RASA2: variants seen among roughly 807,000 people sequenced by gnomAD.
The protein encoded by RASA2 is ras GTPase-activating protein 2.
RASA2 carries 155 observed loss-of-function variants against 118.2 expected under a neutral mutation model. That is an observed-to-expected ratio of 1.31 (90% CI 1.15 to 1.50). The LOEUF (loss-of-function observed/expected upper bound fraction) is 1.50. Among genes scored for constraint, RASA2 ranks in the 40% most tolerant of loss-of-function variants. The probability of loss-of-function intolerance (pLI) is 0.00; values close to 1 mark genes in which losing one functional copy is unlikely to be tolerated. For synonymous variants in RASA2, 353 were observed against 349.1 expected (o/e 1.01, Z -0.12); for missense variants, 1,016 against 1,009.6 (o/e 1.01, Z -0.09).
intron 1 of RASA2, among the ~76,000 whole-genome samples, chr3:141,504,565 C>T (rs914142069): frequency 4.6e-5 from 7 of 152,180 alleles, no homozygotes; most frequent in Non-Finnish European, 7.4e-5. Context: ...GACCCATTCT[C>T]TCCAGACCCG....
In RASA2 at chr3:141,608,676, T is replaced by C. The variant is rs748017097; in HGVS notation, c.2204T>C (p.Leu735Pro). ...TGTCAGGAGACTGGTGAAAACACTC[T>C]CGGCTGCAAGCCATGTACTGCGTAA... is the stretch of plus-strand genomic sequence containing the variant. Reference protein sequence around the residue: ...LCCQETGENTLGCKPCTAGVP... With the variant: ...LCCQETGENTPGCKPCTAGVP... The change falls in exon 21 of 24, where the codon CTC (leucine) becomes CCC (proline). Residue 735 changes from leucine to proline, a missense_variant. Around this residue, in one of 2 missense-constraint regions of RASA2, gnomAD observed 120 missense variants for 173.2 expected, o/e 0.69. Transcript: ENST00000286364. The C allele has an allele frequency of 1.9e-6, 3 of 1,613,634 alleles. No individual in the cohort carries two copies. Among genetic ancestry groups the C allele is most frequent in the South Asian group, 1.1e-5 (1 of 91,090 alleles).
chr3:141,572,677 T>A lies in RASA2; in HGVS notation c.1238T>A (p.Val413Glu). 6.2e-7 allele frequency: 1 copy of A among 1,613,482 alleles called. No homozygotes were observed. Among genetic ancestry groups the A allele is most frequent in the Non-Finnish European group, 8.5e-7 (1 of 1,179,622 alleles). ...TRCLDEMMKIVGGHYLKVTLK... is the reference protein window; with the variant it reads ...TRCLDEMMKIEGGHYLKVTLK... ...TGTCTGGATGAGATGATGAAAATAG[T>A]GGGAGGGCACTACCTGAAAGTAACA... The change falls in exon 12 of 24, where the codon GTG (valine) becomes GAG (glutamate). Residue 413 changes from valine to glutamate, a missense_variant. By Grantham distance (121) the Val-to-Glu change is moderately radical. This residue lies in a region of RASA2 where 896 missense variants were observed against 836.4 expected (regional missense o/e 1.07). Transcript: ENST00000286364.
intron 3 of RASA2, 25 bp downstream of exon 3, chr3:141,516,456 T>C: frequency 1.5e-6 from 2 of 1,356,856 alleles, no homozygotes; most frequent in South Asian, 2.1e-5. Flanking sequence ...TAATTATCTT[T>C]AATCACAATG....
chr3:141,547,543 A>G (rs1269903479), intron 5 of RASA2, among the ~76,000 whole-genome samples: 2 of 152,106 alleles, frequency 1.3e-5, no homozygotes, highest in Non-Finnish European at 2.9e-5. Flanking sequence ...TTGTTGTGTT[A>G]ATTTTGAATC....
intron 6 of RASA2, among the ~76,000 whole-genome samples, chr3:141,554,836 TAGAG>T (rs766768922): frequency 1.3e-4 from 20 of 152,240 alleles, no homozygotes; most frequent in African/African-American, 4.8e-4. Context: ...TAAATGCTAT[TAGAG>T]AGATTTATTT....
intron 19 of RASA2, among the ~76,000 whole-genome samples, chr3:141,587,193 T>C (rs1042387475): frequency 1.3e-5 from 2 of 152,228 alleles, no homozygotes; most frequent in African/African-American, 4.8e-5. Context: ...CCCTATACAG[T>C]TGTCAAATTC....
At chr3:141,574,137 G>A (rs1242901565) in intron 14 of RASA2, 70 bp downstream of exon 14, 7 of 1,058,906 alleles carry the variant, frequency 6.6e-6, no homozygotes, top group Middle Eastern at 2.7e-4. Flanking sequence ...TTAATTACAT[G>A]TTTGGTTTGT....
chr3:141,596,140 G>A (rs889206154), intron 19 of RASA2, among the ~76,000 whole-genome samples: 2 of 152,112 alleles, frequency 1.3e-5, no homozygotes, highest in African/African-American at 2.4e-5. Context: ...TGGAGTCTCA[G>A]TAAATATCAA....
rs117056239 is a variant in RASA2, at chr3:141,544,076, A to G, written c.527+3467A>G. ...TTTTTAGTAGAAACAGGGTTTCGCC[A>G]TATTGGCCAGGCTGCTCTCGAACTC... On this transcript the variant is annotated intron_variant, in intron 5 of 23. Coordinates refer to ENST00000286364, the MANE Select transcript of RASA2 (RefSeq NM_006506.5). 8.5e-3 allele frequency among the ~76,000 whole-genome samples: 1,297 copies of G among 151,818 alleles called. 22 individuals are homozygous for G. Among genetic ancestry groups the G allele is most frequent in the African/African-American group, 0.025 (1,041 of 41,428 alleles).
intron 5 of RASA2, among the ~76,000 whole-genome samples, chr3:141,550,327 C>T (rs2082554685): frequency 6.6e-6 from 1 of 152,122 alleles, no homozygotes; most frequent in Non-Finnish European, 1.5e-5. Context: ...AAACATCAGA[C>T]AAACTCAGAT....
At chr3:141,596,398 TAAAG>T (rs1441700629) in intron 19 of RASA2, among the ~76,000 whole-genome samples, 1 of 152,214 alleles carries the variant, frequency 6.6e-6, no homozygotes, top group Non-Finnish European at 1.5e-5. Flanking sequence ...TATTAACAAG[TAAAG>T]AAAATCTTTG....
intron 3 of RASA2, among the ~76,000 whole-genome samples, chr3:141,521,593 TTTTG>T (rs1426779796): frequency 2.0e-5 from 3 of 152,190 alleles, no homozygotes; most frequent in African/African-American, 7.2e-5. Flanking sequence ...TGCCTTTGTT[TTTTG>T]TTTATTTTGA....
At chr3:141,580,577 C>CACACAG (rs2083097452) in intron 16 of RASA2, 126 bp downstream of exon 16, 1 of 614,530 alleles carries the variant, frequency 1.6e-6, no homozygotes, top group Non-Finnish European at 2.7e-6. Flanking sequence ...CACACACACA[C>CACACAG]AGACACAATA....
chr3:141,500,564 T>C (rs780787556), intron 1 of RASA2, among the ~76,000 whole-genome samples: 10 of 152,354 alleles, frequency 6.6e-5, no homozygotes, highest in Non-Finnish European at 1.5e-4. Context: ...ACTAATCATA[T>C]AGCATAGTTG....
At chr3:141,574,481 C>CGGTG (rs1560043491) in intron 14 of RASA2, among the ~76,000 whole-genome samples, 1 of 152,146 alleles carries the variant, frequency 6.6e-6, no homozygotes, top group Non-Finnish European at 1.5e-5. Flanking sequence ...TGAGCCACCA[C>CGGTG]GCCCAGCCTA....
intron 14 of RASA2, among the ~76,000 whole-genome samples, chr3:141,575,929 C>T (rs773215392): frequency 2.0e-5 from 3 of 152,140 alleles, no homozygotes; most frequent in Admixed American, 6.5e-5. Context: ...AGACATGTGC[C>T]TCCACGCCTG....
rs2082970140 is a variant in RASA2, at chr3:141,574,135, A to G, written c.1483+68A>G. ...TGACTTTTTTATAGATATTAATTAC[A>G]TGTTTGGTTTGTGAGATATTTAAGG... On this transcript the variant is annotated intron_variant, in intron 14 of 23. Transcript: ENST00000286364. 1.2e-5 allele frequency: 13 copies of G among 1,083,792 alleles called. No homozygotes were observed. In the East Asian group the frequency reaches 3.9e-4, roughly 33 times the overall value. 67.1% of individuals were successfully genotyped at this position (1,083,792 alleles called of 1,614,324 possible). A position where few individuals can be genotyped will look rare whatever the true frequency, so the allele number is the denominator to read the frequency against.
chr3:141,540,116 T>A (rs775562782), intron 4 of RASA2, among the ~76,000 whole-genome samples: 1 of 152,156 alleles, frequency 6.6e-6, no homozygotes, highest in Non-Finnish European at 1.5e-5. Context: ...AGTTTTTAGT[T>A]GTTTTAGAAT....
intron 1 of RASA2, among the ~76,000 whole-genome samples, chr3:141,494,589 G>A (rs1559987378): frequency 6.6e-6 from 1 of 152,064 alleles, no homozygotes; most frequent in Non-Finnish European, 1.5e-5. Flanking sequence ...GGATGGTCTC[G>A]ATCTCCTGAT....
Sources: gnomAD v4.1 joint callset for allele counts (sites outside exome capture counted in the v4.1 genomes callset) on GRCh38, gnomAD v4.1.1 for gene constraint, gnomAD v4.1.1 regional missense constraint, MANE v1.5 for transcripts, NCBI Gene and HGNC (gene_info 2026-07-23, HGNC 2026-07-21) for gene names.